Variants in MMP24 observed in about 807,000 individuals in gnomAD.
The protein encoded by MMP24 is matrix metalloproteinase-24.
In MMP24, 25 loss-of-function variants were observed where a neutral mutation model predicts 62.8. The observed-to-expected ratio is 0.40, with a 90% CI of 0.29 to 0.56. MMP24 has a LOEUF of 0.56. Among genes scored for constraint, MMP24 ranks in the 20% least tolerant of loss-of-function variants. The probability of loss-of-function intolerance (pLI) is 0.50; values close to 1 mark genes in which losing one functional copy is unlikely to be tolerated. For missense variants in MMP24, 634 were observed against 853.6 expected (o/e 0.74, Z 3.21); for synonymous variants, 319 against 350.5 (o/e 0.91, Z 1.00).
chr20:35,247,718 T>C (rs1415405540), intron 2 of MMP24, among the ~76,000 whole-genome samples: 3 of 152,094 alleles, frequency 2.0e-5, no homozygotes, highest in African/African-American at 7.2e-5. Flanking sequence ...CCACATGGTG[T>C]GGGGTGGTCA....
At chr20:35,252,042 C>T in intron 3 of MMP24, 21 bp downstream of exon 3, 1 of 1,572,846 alleles carries the variant, frequency 6.4e-7, no homozygotes, top group Non-Finnish European at 8.8e-7. Flanking sequence ...TCTCCCTCTT[C>T]CTCCCTGCCT....
chr20:35,233,917 T>C (rs1013293145), intron 1 of MMP24, among the ~76,000 whole-genome samples: 3 of 152,108 alleles, frequency 2.0e-5, no homozygotes, highest in Admixed American at 2.0e-4. Context: ...CCCAGGAAGC[T>C]GAGGCTACAG....
Position 35,254,731 on chromosome 20 carries a change from C to T in MMP24, c.794C>T (p.Thr265Met), listed in dbSNP as rs770843975. ...CACTTTGACTCCGATGAGCCATGGA[C>T]GCTAGGAAATGCCAACCATGACGGT... ...DTHFDSDEPW[T>M]LGNANHDGND... The change falls in exon 4 of 9, where the codon ACG becomes ATG. Residue 265 changes from threonine (T) to methionine (M), a missense_variant. By Grantham distance (81) the Thr-to-Met change is moderately conservative. This residue lies in a region of MMP24 where 23 missense variants were observed against 63.1 expected (regional missense o/e 0.36). Coordinates refer to ENST00000246186, the MANE Select transcript of MMP24 (RefSeq NM_006690.4). 5.1e-5 allele frequency: 83 copies of T among 1,613,068 alleles called. No homozygotes were observed. Among genetic ancestry groups the T allele is most frequent in the Middle Eastern group, 3.3e-4 (2 of 6,050 alleles).
At position 35,275,363 on chromosome 20, in the gene MMP24, T is replaced by C. The variant is rs2060697985; in HGVS notation, c.*754T>C. The C allele has an allele frequency of 6.6e-6, 1 of 152,248 alleles. No homozygotes were observed. The highest frequency in any genetic ancestry group is 6.5e-5 in the Admixed American group (1 of 15,280). The allele number at this position is 152,248 out of a possible 1,614,324, so 9.4% of individuals were successfully genotyped here. A position where few individuals can be genotyped will look rare whatever the true frequency, so the allele number is the denominator to read the frequency against. ...GCTTTAGGTGAACTAGAGGTGACTG[T>C]CTTGGTGATGAGGCCAGCATAGCGG... On this transcript the variant is annotated 3_prime_UTR_variant, in exon 9 of 9. Coordinates refer to ENST00000246186, the MANE Select transcript of MMP24 (RefSeq NM_006690.4).
In MMP24 at chr20:35,263,917, C is replaced by T; in HGVS notation, c.944C>T (p.Pro315Leu). Residue 315 changes from proline to leucine, a missense_variant, in exon 5 of 9, where the codon CCC becomes CTC. Around this residue, in one of 3 missense-constraint regions of MMP24, gnomAD observed 399 missense variants for 530.8 expected, o/e 0.75. Coordinates refer to ENST00000246186, the MANE Select transcript of MMP24 (RefSeq NM_006690.4). ...QYMETHNFKL[P>L]QDDLQGIQKI... ...ATGGAGACGCACAACTTCAAGCTGC[C>T]CCAGGACGATCTCCAGGGCATCCAG... 1.9e-6 allele frequency: 3 copies of T among 1,612,184 alleles called. No individual in the cohort carries two copies. The highest frequency in any genetic ancestry group is 2.5e-6 in the Non-Finnish European group (3 of 1,179,090).
chr20:35,246,042 T>C (rs1321870528), intron 1 of MMP24, among the ~76,000 whole-genome samples: 1 of 152,092 alleles, frequency 6.6e-6, no homozygotes, highest in Non-Finnish European at 1.5e-5. Context: ...CAATACATAT[T>C]GTATATAATC....
intron 1 of MMP24, among the ~76,000 whole-genome samples, chr20:35,230,728 G>A (rs554061750): frequency 6.6e-6 from 1 of 152,162 alleles, no homozygotes; most frequent in African/African-American, 2.4e-5. Context: ...ACCTACTACA[G>A]CACTTACTAG....
chr20:35,231,139 A>G (rs1367813503), intron 1 of MMP24, among the ~76,000 whole-genome samples: 1 of 152,194 alleles, frequency 6.6e-6, no homozygotes, highest in Admixed American at 6.5e-5. Flanking sequence ...TGGCCTTCCT[A>G]GTTTCCAACT....
At chr20:35,263,682 CGGGG>C in intron 4 of MMP24, 105 bp from the exon 5 acceptor site, 3 of 930,970 alleles carry the variant, frequency 3.2e-6, no homozygotes, top group Non-Finnish European at 4.6e-6. Flanking sequence ...GTGTCCAGCA[CGGGG>C]CCTGGCACAG....
At chr20:35,227,197 A>G (rs984746446) in intron 1 of MMP24, among the ~76,000 whole-genome samples, 1 of 150,980 alleles carries the variant, frequency 6.6e-6, no homozygotes, top group African/African-American at 2.4e-5. Flanking sequence ...GAGCTGCTTC[A>G]GCACCGCGGA....
rs1395068062 is a variant in MMP24, at chr20:35,274,750, T to C, written c.*141T>C. ...TCGTACAGCTGAAGTGGTGGGTGCA[T>C]TGGCCTAGGCTGAGCGTGGGGCAGG... On this transcript the variant is annotated 3_prime_UTR_variant, in exon 9 of 9. Transcript: ENST00000246186. This position sits in a 1 kb window ranked among gnomAD's most constrained non-coding sequence, Gnocchi z 5.1. 4.0e-6 allele frequency: 3 copies of C among 757,566 alleles called. No homozygotes were observed. Among genetic ancestry groups the C allele is most frequent in the African/African-American group, 3.5e-5 (2 of 56,662 alleles). 46.9% of individuals were successfully genotyped at this position (757,566 alleles called of 1,614,324 possible).
At position 35,271,976 on chromosome 20, in the gene MMP24, A is replaced by G. The variant is rs192929058; in HGVS notation, c.1600+141A>G. 1 of 906,984 alleles carries G rather than the reference A, an allele frequency of 1.1e-6. No individual in the cohort carries two copies. The highest frequency in any genetic ancestry group is 2.7e-5 in the East Asian group (1 of 37,556). 56.2% of individuals were successfully genotyped at this position (906,984 alleles called of 1,614,324 possible). On this transcript the variant is annotated intron_variant, in intron 8 of 8. Coordinates refer to ENST00000246186, the MANE Select transcript of MMP24 (RefSeq NM_006690.4). This position sits in a 1 kb window ranked among gnomAD's most constrained non-coding sequence, Gnocchi z 4.0. ...GCAGACAACTGCCTCATATCTACCC[A>G]TGTTCACGTGGTCCATTAATTCACT...
At chr20:35,249,352 T>C (rs2060532847) in intron 2 of MMP24, among the ~76,000 whole-genome samples, 1 of 152,214 alleles carries the variant, frequency 6.6e-6, no homozygotes, top group Admixed American at 6.5e-5. Context: ...TTGGGAAATG[T>C]CACACATTTA....
chr20:35,228,352 A>T (rs2060424203), intron 1 of MMP24, among the ~76,000 whole-genome samples: 1 of 152,198 alleles, frequency 6.6e-6, no homozygotes, highest in Non-Finnish European at 1.5e-5. Context: ...AAGATTTTAT[A>T]ATTGCTGGTT....
At chr20:35,264,201 C>T in intron 5 of MMP24, 1 of 322,900 alleles carries the variant, frequency 3.1e-6, no homozygotes. Context: ...GAGGTGAGGG[C>T]CACCCATTCC....
chr20:35,267,808 G>A (rs2060643959), intron 6 of MMP24: 1 of 272,240 alleles, frequency 3.7e-6, no homozygotes, highest in Non-Finnish European at 7.1e-6. Context: ...CTTGGAGTAG[G>A]GGCTAGGTCA....
intron 1 of MMP24, among the ~76,000 whole-genome samples, chr20:35,240,018 A>G (rs890103594): frequency 6.6e-6 from 1 of 151,952 alleles, no homozygotes; most frequent in Non-Finnish European, 1.5e-5. Context: ...TGGGAGGGGG[A>G]AGGGCTGCCT....
At position 35,276,374 on chromosome 20, in the gene MMP24, T is replaced by G. The variant is rs930332358; in HGVS notation, c.*1765T>G. ...GTGTTTTATACTTTGCAAAGCACTT[T>G]ATTAGCTCACACCTGTCCACTCACA... On this transcript the variant is annotated 3_prime_UTR_variant, in exon 9 of 9. Coordinates refer to ENST00000246186, the MANE Select transcript of MMP24 (RefSeq NM_006690.4). 1 of 398,874 alleles carries G rather than the reference T, an allele frequency of 2.5e-6. No individual in the cohort carries two copies. The highest frequency in any genetic ancestry group is 4.4e-6 in the Non-Finnish European group (1 of 226,050). 24.7% of individuals were successfully genotyped at this position (398,874 alleles called of 1,614,324 possible).
At chr20:35,266,564 C>T (rs2060636749) in intron 5 of MMP24, among the ~76,000 whole-genome samples, 1 of 152,040 alleles carries the variant, frequency 6.6e-6, no homozygotes, top group Admixed American at 6.6e-5. Context: ...GCAAAGGAGA[C>T]TGAGAAAGAA....
Sources: allele counts gnomAD v4.1 joint callset (sites outside exome capture counted in the v4.1 genomes callset), GRCh38; gene constraint gnomAD v4.1.1; regional missense constraint gnomAD v4.1.1; non-coding constraint Gnocchi (gnomAD v3.1); transcripts MANE v1.5; gene names NCBI Gene and HGNC (gene_info 2026-07-23, HGNC 2026-07-21).